PPFIBP1: variants seen among roughly 807,000 people sequenced by gnomAD.
PPFIBP1 encodes PPFIB scaffold protein 1, also known as liprin-beta-1.
A neutral mutation model predicts 137.8 loss-of-function variants in PPFIBP1; 112 were observed. The observed-to-expected ratio is 0.81, with a 90% CI of 0.70 to 0.95. The LOEUF is 0.95. PPFIBP1 is among the 40% of genes least tolerant of loss of function. PPFIBP1 has a pLI of 0.00. For missense variants in PPFIBP1, 1,083 were observed against 1,196.6 expected, an observed-to-expected ratio of 0.91 and a Z score of 1.40; for synonymous variants, 378 against 417.3, an observed-to-expected ratio of 0.91 and a Z score of 1.15.
intron 24 of PPFIBP1, among the ~76,000 whole-genome samples, chr12:27,684,695 C>T (rs1380144766): frequency 2.0e-5 from 3 of 151,934 alleles, no homozygotes; most frequent in Non-Finnish European, 4.4e-5. Context: ...GCATTTTGCT[C>T]ATATTAATAC....
intron 8 of PPFIBP1, among the ~76,000 whole-genome samples, chr12:27,655,421 A>C (rs1409313273): frequency 6.6e-6 from 1 of 152,218 alleles, no homozygotes; most frequent in Admixed American, 6.5e-5. Flanking sequence ...AAATACATGA[A>C]ATAATTGGTG....
At position 27,649,181 on chromosome 12, in the gene PPFIBP1, T is replaced by C. The variant is rs1478739596; in HGVS notation, c.472-829T>C. Among the ~76,000 whole-genome samples, 8 of 152,216 alleles carry C rather than the reference T, an allele frequency of 5.3e-5. No individual in the cohort carries two copies. In the East Asian group the frequency reaches 1.5e-3, roughly 29 times the overall value. On this transcript the variant is annotated intron_variant, in intron 6 of 29. Coordinates refer to ENST00000228425, the MANE Select transcript of PPFIBP1 (RefSeq NM_003622.4). ...ATATAGGAGAGGCTCTGTAAGGTCA[T>C]GGATGGAGTATGCACTTGAGCAAAA...
intron 2 of PPFIBP1, among the ~76,000 whole-genome samples, chr12:27,593,129 C>CAAAAAAAAAAAA (rs33939858): frequency 9.9e-6 from 1 of 100,944 alleles, no homozygotes; most frequent in African/African-American, 4.0e-5. Flanking sequence ...AAGAATGTCT[C>CAAAAAAAAAAAA]AAAAAAAAAA....
At chr12:27,532,376 C>T (rs189918257) in intron 1 of PPFIBP1, among the ~76,000 whole-genome samples, 116 of 151,754 alleles carry the variant, frequency 7.6e-4, no homozygotes, top group African/African-American at 2.6e-3. Context: ...AAACCAAGCA[C>T]ACGTGTATGG....
At chr12:27,561,302 C>T (rs886627214) in intron 1 of PPFIBP1, among the ~76,000 whole-genome samples, 1 of 152,130 alleles carries the variant, frequency 6.6e-6, no homozygotes, top group African/African-American at 2.4e-5. Context: ...CTCTTGGCCT[C>T]CTTTCTGGGG....
At chr12:27,647,275 A>G (rs2058576291) in intron 5 of PPFIBP1, among the ~76,000 whole-genome samples, 1 of 152,180 alleles carries the variant, frequency 6.6e-6, no homozygotes, top group Admixed American at 6.5e-5. Flanking sequence ...TGCTGGGATT[A>G]CAGGCGTGAG....
At chr12:27,630,385 A>T (rs771918543) in intron 2 of PPFIBP1, among the ~76,000 whole-genome samples, 2 of 152,100 alleles carry the variant, frequency 1.3e-5, no homozygotes, top group Non-Finnish European at 2.9e-5. Flanking sequence ...TCATTGTAAA[A>T]TATCTTTCTT....
chr12:27,543,490 T>C (rs1044535879), intron 1 of PPFIBP1, among the ~76,000 whole-genome samples: 2 of 152,262 alleles, frequency 1.3e-5, no homozygotes, highest in Admixed American at 1.3e-4. Flanking sequence ...CTGGGAACTT[T>C]AGATCCGTTG....
chr12:27,620,247 T>C (rs1387390070), intron 2 of PPFIBP1, among the ~76,000 whole-genome samples: 3 of 152,144 alleles, frequency 2.0e-5, no homozygotes, highest in African/African-American at 7.2e-5. Context: ...CCATGCTCAA[T>C]TGAAGTCAAA....
intron 1 of PPFIBP1, among the ~76,000 whole-genome samples, chr12:27,553,160 A>G (rs1169285582): frequency 6.6e-6 from 1 of 152,188 alleles, no homozygotes; most frequent in Non-Finnish European, 1.5e-5. Flanking sequence ...AGATGACCCC[A>G]TATACTGCCC....
At chr12:27,550,346 G>T (rs1230036372) in intron 1 of PPFIBP1, among the ~76,000 whole-genome samples, 1 of 152,176 alleles carries the variant, frequency 6.6e-6, no homozygotes, top group African/African-American at 2.4e-5. Flanking sequence ...AGCTGCTCCA[G>T]CTGGGATGTC....
At chr12:27,609,544 G>C (rs1429060911) in intron 2 of PPFIBP1, among the ~76,000 whole-genome samples, 1 of 152,028 alleles carries the variant, frequency 6.6e-6, no homozygotes, top group Admixed American at 6.6e-5. Context: ...ACATCTTCTC[G>C]GGATCCCTTC....
intron 1 of PPFIBP1, among the ~76,000 whole-genome samples, chr12:27,565,418 G>GA (rs2049560230): frequency 6.6e-6 from 1 of 152,174 alleles, no homozygotes; most frequent in African/African-American, 2.4e-5. Context: ...GTGTGGGCTA[G>GA]AACAAAACAC....
In PPFIBP1 at chr12:27,612,619, A is replaced by T. The variant is rs1592849068; in HGVS notation, c.-35-20743A>T. On this transcript the variant is annotated intron_variant, in intron 2 of 29. Coordinates refer to ENST00000228425, the MANE Select transcript of PPFIBP1 (RefSeq NM_003622.4). ...CCGTCTCAGCCTCCGAAAGTGCTGGAATTACAGGTGTGAGCCACAGCGCCC... is the reference window on the plus strand; with the variant it reads ...CCGTCTCAGCCTCCGAAAGTGCTGGTATTACAGGTGTGAGCCACAGCGCCC... Among the ~76,000 whole-genome samples, 3 of 151,896 alleles carry T rather than the reference A, an allele frequency of 2.0e-5. No homozygotes were observed. The East Asian group carries it at 5.8e-4, about 29-fold the overall frequency.
chr12:27,677,618 T>C (rs550120743), intron 19 of PPFIBP1: 1 of 153,308 alleles, frequency 6.5e-6, no homozygotes, highest in East Asian at 1.9e-4. Context: ...TAATATTTAG[T>C]GATGACAGAA....
chr12:27,583,585 C>T (rs2051368223), intron 2 of PPFIBP1, among the ~76,000 whole-genome samples: 2 of 152,094 alleles, frequency 1.3e-5, no homozygotes, highest in South Asian at 2.1e-4. Flanking sequence ...CAAGATTGGG[C>T]CTGCTGTGTG....
At chr12:27,578,655 A>T (rs531129461) in intron 2 of PPFIBP1, among the ~76,000 whole-genome samples, 1 of 152,116 alleles carries the variant, frequency 6.6e-6, no homozygotes, top group Non-Finnish European at 1.5e-5. Context: ...AATATGAGGT[A>T]TTGGTTTCTC....
At chr12:27,589,823 G>A (rs1465308235) in intron 2 of PPFIBP1, among the ~76,000 whole-genome samples, 1 of 152,166 alleles carries the variant, frequency 6.6e-6, no homozygotes, top group African/African-American at 2.4e-5. Context: ...CTTTCTTTCA[G>A]GCCTATCATA....
At chr12:27,570,330 G>A (rs930887557) in intron 1 of PPFIBP1, among the ~76,000 whole-genome samples, 4 of 152,088 alleles carry the variant, frequency 2.6e-5, no homozygotes, top group Non-Finnish European at 4.4e-5. Flanking sequence ...CTGCCTATTT[G>A]TTGGATGAGA....
Sources: gnomAD v4.1 joint callset for allele counts (sites outside exome capture counted in the v4.1 genomes callset) on GRCh38, gnomAD v4.1.1 for gene constraint, MANE v1.5 for transcripts, NCBI Gene and HGNC (gene_info 2026-07-23, HGNC 2026-07-21) for gene names.